Variants in B3GAT2 observed in about 807,000 individuals in gnomAD.
The protein encoded by B3GAT2 is galactosylgalactosylxylosylprotein 3-beta-glucuronosyltransferase 2.
A neutral mutation model predicts 27.8 loss-of-function variants in B3GAT2; 26 were observed. The observed-to-expected ratio is 0.93, with a 90% confidence interval of 0.68 to 1.30. The LOEUF (loss-of-function observed/expected upper bound fraction) is 1.30. Among genes scored for constraint, B3GAT2 ranks in the 50% most tolerant of loss-of-function variants. The probability of loss-of-function intolerance (pLI) is 0.00; values close to 1 mark genes in which losing one functional copy is unlikely to be tolerated. For synonymous variants in B3GAT2, 218 were observed against 195.1 expected, an observed-to-expected ratio of 1.12 and a Z score of -0.98; for missense variants, 458 against 459.0, an observed-to-expected ratio of 1.00 and a Z score of 0.02.
intron 2 of B3GAT2, among the ~76,000 whole-genome samples, chr6:70,886,624 C>G (rs942557782): frequency 5.9e-5 from 9 of 152,118 alleles, no homozygotes; most frequent in African/African-American, 2.2e-4. Flanking sequence ...ACGTCCACCC[C>G]ACCTGACCCC....
rs754746570 is a variant in B3GAT2 at position 70,859,004 on chromosome 6, CTCT to C, written c.*2656_*2658del. ...GCTCTTAGAGAGGTTCATGCTCCCA[CTCT>C]TCTTCCTTTTACACTTCCCATTGAT... On this transcript the variant is annotated 3_prime_UTR_variant, in exon 4 of 4. Coordinates refer to ENST00000230053, the MANE Select transcript of B3GAT2 (RefSeq NM_080742.3). 17 of 187,772 alleles carry C rather than the reference CTCT, an allele frequency of 9.1e-5. No homozygotes were observed. The highest frequency in any genetic ancestry group is 1.6e-4 in the Non-Finnish European group (15 of 91,104). The allele number at this position is 187,772 out of a possible 1,614,324, so 11.6% of individuals were successfully genotyped here.
At chr6:70,896,366 A>G (rs1235328752) in intron 1 of B3GAT2, among the ~76,000 whole-genome samples, 4 of 152,176 alleles carry the variant, frequency 2.6e-5, no homozygotes, top group Non-Finnish European at 5.9e-5. Context: ...ACCACCAAAC[A>G]GGGTTGTCTT....
In B3GAT2 at chr6:70,860,980, T is replaced by C. The variant is rs1182124065; in HGVS notation, c.*683A>G. On this transcript the variant is annotated 3_prime_UTR_variant, in exon 4 of 4. Coordinates refer to ENST00000230053, the MANE Select transcript of B3GAT2 (RefSeq NM_080742.3). ...TTGTAATTTGGATCTCTTCTTAATGTACATAGTGCTAACATGAAGACCTTT... is the reference window on the plus strand; with the variant it reads ...TTGTAATTTGGATCTCTTCTTAATGCACATAGTGCTAACATGAAGACCTTT... 1.8e-5 allele frequency: 6 copies of C among 329,066 alleles called. No homozygotes were observed. In the East Asian group the frequency reaches 2.7e-4, roughly 15 times the overall value. The allele number at this position is 329,066 out of a possible 1,614,324, so 20.4% of individuals were successfully genotyped here. A position where few individuals can be genotyped will look rare whatever the true frequency, so the allele number is the denominator to read the frequency against.
intron 1 of B3GAT2, among the ~76,000 whole-genome samples, chr6:70,906,188 T>TG (rs1266140427): frequency 1.3e-5 from 2 of 152,160 alleles, no homozygotes; most frequent in African/African-American, 4.8e-5. Flanking sequence ...TCACGGAGAA[T>TG]GGGGGAAAAG....
chr6:70,881,147 T>C (rs1456501711), intron 2 of B3GAT2, among the ~76,000 whole-genome samples: 3 of 152,190 alleles, frequency 2.0e-5, no homozygotes, highest in African/African-American at 4.8e-5. Flanking sequence ...CTCCTCTGCA[T>C]TGCAACCCTA....
intron 1 of B3GAT2, among the ~76,000 whole-genome samples, chr6:70,922,132 G>C (rs897671954): frequency 6.6e-6 from 1 of 151,948 alleles, no homozygotes; most frequent in Non-Finnish European, 1.5e-5. Flanking sequence ...GGTGCCTGAA[G>C]GATATTTCAT....
Position 70,861,441 on chromosome 6 carries a change from A to G in B3GAT2, c.*222T>C. 1 of 536,812 alleles carries G rather than the reference A, an allele frequency of 1.9e-6. No individual in the cohort carries two copies. The highest frequency in any genetic ancestry group is 3.3e-6 in the Non-Finnish European group (1 of 300,360). The allele number at this position is 536,812 out of a possible 1,614,324, so 33.3% of individuals were successfully genotyped here. A position where few individuals can be genotyped will look rare whatever the true frequency, so the allele number is the denominator to read the frequency against. On this transcript the variant is annotated 3_prime_UTR_variant, in exon 4 of 4. Coordinates refer to ENST00000230053, the MANE Select transcript of B3GAT2 (RefSeq NM_080742.3). ...CCAATTTAGTTGTTGTAGAGAAAAC[A>G]TGCAGAACAAATGAAGACAAAACAT...
chr6:70,941,938 T>C (rs1050536010), intron 1 of B3GAT2, among the ~76,000 whole-genome samples: 2 of 152,194 alleles, frequency 1.3e-5, no homozygotes, highest in Admixed American at 1.3e-4. Context: ...GGTATCATAT[T>C]ATTTAATGTG....
chr6:70,899,135 A>G (rs1350329361), intron 1 of B3GAT2, among the ~76,000 whole-genome samples: 1 of 152,246 alleles, frequency 6.6e-6, no homozygotes, highest in Non-Finnish European at 1.5e-5. Flanking sequence ...GGCAAAAGAC[A>G]TTTTTAAAAA....
chr6:70,954,922 G>GGT (rs1412549499), intron 1 of B3GAT2, among the ~76,000 whole-genome samples: 1 of 151,444 alleles, frequency 6.6e-6, no homozygotes, highest in Non-Finnish European at 1.5e-5. Flanking sequence ...CGGCGGGGGG[G>GGT]GGCGGTGCGC....
intron 1 of B3GAT2, among the ~76,000 whole-genome samples, chr6:70,928,269 A>G (rs1772997218): frequency 6.6e-6 from 1 of 152,178 alleles, no homozygotes; most frequent in Non-Finnish European, 1.5e-5. Flanking sequence ...ATCACAATTA[A>G]AAGAACTGGA....
chr6:70,889,514 A>G (rs926674192), intron 2 of B3GAT2, among the ~76,000 whole-genome samples: 1 of 152,184 alleles, frequency 6.6e-6, no homozygotes. Context: ...GATAGGCCGT[A>G]GGCGAGGAGG....
At chr6:70,879,485 A>T (rs548248291) in intron 2 of B3GAT2, among the ~76,000 whole-genome samples, 2 of 151,032 alleles carry the variant, frequency 1.3e-5, no homozygotes, top group African/African-American at 4.8e-5. Flanking sequence ...CTTAGGATTC[A>T]TTCATTCATT....
In B3GAT2 at chr6:70,860,167, C is replaced by A; in HGVS notation, c.*1496G>T. The A allele has an allele frequency of 1.3e-6, 2 of 1,555,592 alleles. No homozygotes were observed. Among genetic ancestry groups the A allele is most frequent in the Non-Finnish European group, 1.7e-6 (2 of 1,152,360 alleles). ...AAACAAGAATTAAAAGTGAAGTAAG[C>A]CTCTTGAACTAAGCCTTTTATATGT... On this transcript the variant is annotated 3_prime_UTR_variant, in exon 4 of 4. Coordinates refer to ENST00000230053, the MANE Select transcript of B3GAT2 (RefSeq NM_080742.3).
At position 70,857,109 on chromosome 6, in the gene B3GAT2, T is replaced by TATC. The variant is rs1240344851; in HGVS notation, c.*4551_*4553dup. 3 of 1,364,988 alleles carry TATC rather than the reference T, an allele frequency of 2.2e-6. No homozygotes were observed. The highest frequency in any genetic ancestry group is 2.5e-5 in the East Asian group (1 of 39,958). 84.6% of individuals were successfully genotyped at this position (1,364,988 alleles called of 1,614,324 possible). On this transcript the variant is annotated 3_prime_UTR_variant, in exon 4 of 4. Coordinates refer to ENST00000230053, the MANE Select transcript of B3GAT2 (RefSeq NM_080742.3). Reference sequence around the variant, plus strand: ...TAATTATATAATAAGATCAATTATATATCTTTTATTGTTCCATGTAGTGAG... The same window carrying TATC: ...TAATTATATAATAAGATCAATTATATATCATCTTTTATTGTTCCATGTAGTGAG...
In B3GAT2 at chr6:70,910,207, G is replaced by A. The variant is rs190337592; in HGVS notation, c.592-15935C>T. Reference sequence around the variant, plus strand: ...TTTTTAAGACTTTATTTTAGGTTCAGGGGTCCATGTGCAGGTTTGTTATCA... The same window carrying A: ...TTTTTAAGACTTTATTTTAGGTTCAAGGGTCCATGTGCAGGTTTGTTATCA... On this transcript the variant is annotated intron_variant, in intron 1 of 3. Coordinates refer to ENST00000230053, the MANE Select transcript of B3GAT2 (RefSeq NM_080742.3). Among the ~76,000 whole-genome samples, 46 of 152,182 alleles carry A rather than the reference G, an allele frequency of 3.0e-4. 1 individual carries two copies. Among genetic ancestry groups the A allele is most frequent in the Admixed American group, 2.4e-3 (37 of 15,274 alleles).
In B3GAT2 at chr6:70,861,185, T is replaced by TTTTA. The variant is rs2150019066; in HGVS notation, c.*474_*477dup. 6.1e-6 allele frequency: 1 copy of TTTTA among 163,380 alleles called. No homozygotes were observed. Among genetic ancestry groups the TTTTA allele is most frequent in the Non-Finnish European group, 1.3e-5 (1 of 74,754 alleles). 10.1% of individuals were successfully genotyped at this position (163,380 alleles called of 1,614,324 possible). A position where few individuals can be genotyped will look rare whatever the true frequency, so the allele number is the denominator to read the frequency against. On this transcript the variant is annotated 3_prime_UTR_variant, in exon 4 of 4. Coordinates refer to ENST00000230053, the MANE Select transcript of B3GAT2 (RefSeq NM_080742.3). ...TCCATAGACCTTTTCATTTGTGGGT[T>TTTTA]TTTATTTCCTATGATGTATACTGCC...
At chr6:70,945,449 G>C (rs1468667558) in intron 1 of B3GAT2, among the ~76,000 whole-genome samples, 1 of 151,964 alleles carries the variant, frequency 6.6e-6, no homozygotes, top group Non-Finnish European at 1.5e-5. Flanking sequence ...GAGCTGATGC[G>C]ATCAACTGGA....
intron 1 of B3GAT2, among the ~76,000 whole-genome samples, chr6:70,911,283 A>G (rs1349784662): frequency 6.6e-6 from 1 of 152,074 alleles, no homozygotes; most frequent in Non-Finnish European, 1.5e-5. Flanking sequence ...AGGGTTTTAT[A>G]GTTTTTACAG....
Sources: gnomAD v4.1 joint callset for allele counts (sites outside exome capture counted in the v4.1 genomes callset) on GRCh38, gnomAD v4.1.1 for gene constraint, MANE v1.5 for transcripts, NCBI Gene and HGNC (gene_info 2026-07-23, HGNC 2026-07-21) for gene names.